Variants in MYO10 observed in about 807,000 individuals in gnomAD.
MYO10 encodes the protein unconventional myosin-X.
In MYO10, 133 loss-of-function variants were observed where a neutral mutation model predicts 257.3. The ratio of observed to expected loss-of-function variants is 0.52; its 90% confidence interval spans 0.45 to 0.60. MYO10 has a LOEUF of 0.60. Ranked by LOEUF, MYO10 falls within the 20% of genes least tolerant of loss-of-function variation. MYO10 has a pLI of 0.00. For missense variants in MYO10, 2,399 were observed against 2,635.7 expected (o/e 0.91, Z 1.97); for synonymous variants, 1,104 against 1,028.6 (o/e 1.07, Z -1.40).
Position 16,674,847 on chromosome 5 carries a change from C to CTT in MYO10, c.4964+4_4964+5dup. 6.2e-7 allele frequency: 1 copy of CTT among 1,613,718 alleles called. No homozygotes were observed. The highest frequency in any genetic ancestry group is 1.1e-5 in the South Asian group (1 of 91,072). ...CCAGCTCATCTCCCGTGCCCCCATG[C>CTT]TTTACCTTTTCAGATGGAACTTGAG... is the stretch of plus-strand genomic sequence containing the variant. On this transcript the variant is annotated splice_donor_region_variant and intron_variant, in intron 35 of 40. Transcript: ENST00000513610.
chr5:16,817,937 C>T (rs542527555), intron 3 of MYO10, 72 bp downstream of exon 3: 3 of 1,213,958 alleles, frequency 2.5e-6, no homozygotes, highest in African/African-American at 1.5e-5. Context: ...GCAAGAAATA[C>T]TCTCTGAAAA....
rs1404001081 is a variant in MYO10 at position 16,893,056 on chromosome 5, G to C, written c.22-15349C>G. 2.0e-5 allele frequency among the ~76,000 whole-genome samples: 3 copies of C among 151,972 alleles called. No individual in the cohort carries two copies. In the South Asian group the frequency reaches 6.3e-4, roughly 32 times the overall value. ...TAAAAATACAAAAAAAATTAGCCGGGCGTGGTGGCGGGCGCCTGTAGTCCC... is the reference window on the plus strand; with the variant it reads ...TAAAAATACAAAAAAAATTAGCCGGCCGTGGTGGCGGGCGCCTGTAGTCCC... On this transcript the variant is annotated intron_variant, in intron 1 of 40. Coordinates refer to ENST00000513610, the MANE Select transcript of MYO10 (RefSeq NM_012334.3).
chr5:16,822,765 G>A (rs543963015), intron 2 of MYO10, among the ~76,000 whole-genome samples: 57 of 149,702 alleles, frequency 3.8e-4, no homozygotes, highest in African/African-American at 1.2e-3. Flanking sequence ...TCGGCTCACC[G>A]CAAGCTCCGC....
At chr5:16,837,476 G>A (rs1460163138) in intron 2 of MYO10, among the ~76,000 whole-genome samples, 2 of 152,108 alleles carry the variant, frequency 1.3e-5, no homozygotes, top group Non-Finnish European at 2.9e-5. Context: ...TAGGAGGAGG[G>A]TTATAGGGAC....
Position 16,711,126 on chromosome 5 carries a change from G to A in MYO10, c.2049C>T (p.Tyr683=), listed in dbSNP as rs779282385. ...YAVRRPFQDF[Y]KRYKVLMRNL... Reference sequence around the variant, plus strand: ...CCAATTCAGCTCCCTCTTGCCTTTTGTAAAAGTCCTGAAAGGGTCTTCGGA... The same window carrying A: ...CCAATTCAGCTCCCTCTTGCCTTTTATAAAAGTCCTGAAAGGGTCTTCGGA... The change falls in exon 20 of 41, where the codon TAC becomes TAT. Residue 683 remains tyrosine, a synonymous_variant. Coordinates refer to ENST00000513610, the MANE Select transcript of MYO10 (RefSeq NM_012334.3). 1.2e-6 allele frequency: 2 copies of A among 1,613,886 alleles called. No homozygotes were observed. The highest frequency in any genetic ancestry group is 2.2e-5 in the East Asian group (1 of 44,870).
intron 2 of MYO10, among the ~76,000 whole-genome samples, chr5:16,840,728 A>C (rs184522205): frequency 8.2e-4 from 125 of 152,264 alleles, no homozygotes; most frequent in African/African-American, 2.8e-3. Flanking sequence ...TATGCACAAC[A>C]AAAATATGCA....
chr5:16,663,550 A>AC lies in MYO10; in HGVS notation c.*3141_*3142insG, dbSNP rs1455876277. 1 of 104,876 alleles carries AC rather than the reference A, an allele frequency of 9.5e-6. No individual in the cohort carries two copies. Among genetic ancestry groups the AC allele is most frequent in the African/African-American group, 3.7e-5 (1 of 27,184 alleles). The allele number at this position is 104,876 out of a possible 1,614,324, so 6.5% of individuals were successfully genotyped here. On this transcript the variant is annotated 3_prime_UTR_variant, in exon 41 of 41. Transcript: ENST00000513610. ...ACCACAGATAGAAAATATTTGAAAA[A>AC]ACTTTTTTTGGTGGGGCACAGTGGC...
chr5:16,825,322 T>C (rs1742970993), intron 2 of MYO10, among the ~76,000 whole-genome samples: 1 of 152,210 alleles, frequency 6.6e-6, no homozygotes, highest in East Asian at 1.9e-4. Flanking sequence ...TATGACACAT[T>C]ATAATCACTT....
At chr5:16,885,250 ACACAGCCTGTC>A (rs1385161721) in intron 1 of MYO10, among the ~76,000 whole-genome samples, 1 of 151,804 alleles carries the variant, frequency 6.6e-6, no homozygotes, top group Non-Finnish European at 1.5e-5. Flanking sequence ...AACCATGCAG[ACACAGCCTGTC>A]CACTGTGCTC....
chr5:16,744,034 C>G (rs1322844335), intron 19 of MYO10, among the ~76,000 whole-genome samples: 1 of 151,940 alleles, frequency 6.6e-6, no homozygotes. Flanking sequence ...TGTTAAAAAT[C>G]AAGATAAAAA....
chr5:16,666,742 T>A lies in MYO10; in HGVS notation c.6127A>T (p.Lys2043Ter). Residue 2043 changes from lysine (K) to a stop codon, truncating the protein, a stop_gained, in exon 41 of 41, where the codon AAG (lysine) becomes TAG (stop). Coordinates refer to ENST00000513610, the MANE Select transcript of MYO10 (RefSeq NM_012334.3). LOFTEE classifies it high-confidence loss of function. ...MKAYISMIVK[K>*]RYSTTRSASS... The stretch of plus-strand genomic sequence containing the variant: ...GCGGAGCGTGTCGTGCTGTAGCGCT[T>A]CTTCACGATCATGCTGATGTAGGCT... The A allele has an allele frequency of 6.2e-7, 1 of 1,608,546 alleles. No individual in the cohort carries two copies. Among genetic ancestry groups the A allele is most frequent in the East Asian group, 2.2e-5 (1 of 44,812 alleles).
chr5:16,842,660 C>T (rs1287777588), intron 2 of MYO10, among the ~76,000 whole-genome samples: 1 of 152,168 alleles, frequency 6.6e-6, no homozygotes. Context: ...TTGGAAGGTT[C>T]ACGCCTGTCA....
intron 1 of MYO10, among the ~76,000 whole-genome samples, chr5:16,933,477 G>C (rs1468867580): frequency 6.6e-6 from 1 of 152,176 alleles, no homozygotes. Context: ...GTTAGCACTG[G>C]CTTTAAACTG....
rs1339291226 is a variant in MYO10, at chr5:16,671,529, A to C, written c.5323T>G (p.Ser1775Ala). ...TTCCATGGCAGGTCCCCAACCTCGG[A>C]TGTGGCAGCCAGCCTACAGAGAGGA... is the stretch of plus-strand genomic sequence containing the variant. ...LAKFEKLAATSEVGDLPWKFY... is the reference protein window; with the variant it reads ...LAKFEKLAATAEVGDLPWKFY... The change falls in exon 38 of 41, where the codon TCC becomes GCC. Residue 1775 changes from serine to alanine, a missense_variant. Physicochemically the swap from Ser to Ala is moderately conservative, Grantham distance 99. Coordinates refer to ENST00000513610, the MANE Select transcript of MYO10 (RefSeq NM_012334.3). The C allele has an allele frequency of 6.2e-7, 1 of 1,613,880 alleles. No individual in the cohort carries two copies. The highest frequency in any genetic ancestry group is 8.5e-7 in the Non-Finnish European group (1 of 1,179,888).
chr5:16,921,262 G>A (rs983420949), intron 1 of MYO10, among the ~76,000 whole-genome samples: 1 of 84,016 alleles, frequency 1.2e-5, no homozygotes, highest in South Asian at 4.0e-4. Context: ...GAGAGAATAC[G>A]ACCTTTTTCC....
At position 16,766,071 on chromosome 5, in the gene MYO10, C is replaced by A; in HGVS notation, c.1179+9G>T. 3 of 1,585,156 alleles carry A rather than the reference C, an allele frequency of 1.9e-6. No homozygotes were observed. Among genetic ancestry groups the A allele is most frequent in the Non-Finnish European group, 2.6e-6 (3 of 1,153,944 alleles). On this transcript the variant is annotated intron_variant, in intron 11 of 40. Transcript: ENST00000513610. ...AGTAACGCAAGATCAGATGGCAAAG[C>A]GTGTGTACCTGTTGAACATTGAGAG...
chr5:16,742,136 A>T, intron 19 of MYO10: 6 of 984,826 alleles, frequency 6.1e-6, no homozygotes, highest in East Asian at 1.1e-4. Flanking sequence ...CCAATCAATA[A>T]TTTTTTTTTA....
intron 2 of MYO10, among the ~76,000 whole-genome samples, chr5:16,869,736 A>G (rs535071960): frequency 1.3e-5 from 2 of 151,328 alleles, no homozygotes; most frequent in Admixed American, 1.3e-4. Flanking sequence ...GTGCTGACGC[A>G]TGCCTCTAAT....
intron 1 of MYO10, among the ~76,000 whole-genome samples, chr5:16,891,087 G>A (rs753336457): frequency 1.1e-4 from 17 of 151,602 alleles, no homozygotes; most frequent in East Asian, 3.9e-4. Flanking sequence ...GTTAGAGACC[G>A]GCCTGACTAA....
Sources: gnomAD v4.1 joint callset for allele counts (sites outside exome capture counted in the v4.1 genomes callset) on GRCh38, gnomAD v4.1.1 for gene constraint, MANE v1.5 for transcripts, NCBI Gene and HGNC (gene_info 2026-07-23, HGNC 2026-07-21) for gene names.